The following PDCD6 variants were observed in gnomAD, a reference collection of about 807,000 sequenced individuals.
The protein encoded by PDCD6 is programmed cell death protein 6.
Under a neutral mutation model 28.3 loss-of-function variants are expected in PDCD6, and 12 were observed. The ratio of observed to expected loss-of-function variants is 0.42; its 90% CI spans 0.27 to 0.69. PDCD6 has a LOEUF of 0.69. Among genes scored for constraint, PDCD6 ranks in the 30% least tolerant of loss-of-function variants. The pLI, the probability that PDCD6 is intolerant of heterozygous loss-of-function variation, is 0.22. For missense variants in PDCD6, 226 were observed against 269.9 expected (o/e 0.84, Z 1.14); for synonymous variants, 92 against 108.0 (o/e 0.85, Z 0.92).
chr5:276,825 T>C, intron 2 of PDCD6: 1 of 985,434 alleles, frequency 1.0e-6, no homozygotes, highest in Non-Finnish European at 1.2e-6. Context: ...TTCATGAGAC[T>C]TGTTTGCACA....
chr5:290,976 G>A (rs1393519874), intron 2 of PDCD6, among the ~76,000 whole-genome samples: 1 of 152,196 alleles, frequency 6.6e-6, no homozygotes, highest in Non-Finnish European at 1.5e-5. Context: ...TGTACAGGAT[G>A]GGTAAGGTAT....
At chr5:292,515 T>C (rs887902182) in intron 2 of PDCD6, among the ~76,000 whole-genome samples, 2 of 152,194 alleles carry the variant, frequency 1.3e-5, no homozygotes, top group African/African-American at 4.8e-5. Context: ...CACCTCAGCC[T>C]CCCAAAGTGC....
At chr5:277,051 A>G in intron 2 of PDCD6, 2 of 468,782 alleles carry the variant, frequency 4.3e-6, no homozygotes, top group Non-Finnish European at 5.6e-6. Flanking sequence ...CCTTAATATA[A>G]CACTGATGTA....
In PDCD6 at chr5:314,871, G is replaced by T. The variant is rs1741169313; in HGVS notation, c.*356G>T. ...CCAATAGGAATTTTAAAATAACATGGAACTTACACAAAAGGCTTTTCATGT... is the reference window on the plus strand; with the variant it reads ...CCAATAGGAATTTTAAAATAACATGTAACTTACACAAAAGGCTTTTCATGT... On this transcript the variant is annotated 3_prime_UTR_variant, in exon 6 of 6. Transcript: ENST00000264933. The T allele has an allele frequency of 2.8e-6, 1 of 361,316 alleles. No individual in the cohort carries two copies. The highest frequency in any genetic ancestry group is 2.1e-5 in the African/African-American group (1 of 47,488). The allele number at this position is 361,316 out of a possible 1,614,324, so 22.4% of individuals were successfully genotyped here.
chr5:296,468 G>C, intron 2 of PDCD6, among the ~76,000 whole-genome samples: 1 of 152,208 alleles, frequency 6.6e-6, no homozygotes, highest in East Asian at 1.9e-4. Context: ...CCAAATGCTC[G>C]TTCACTGCAG....
At chr5:287,698 T>C (rs1045683655) in intron 2 of PDCD6, among the ~76,000 whole-genome samples, 1 of 152,194 alleles carries the variant, frequency 6.6e-6, no homozygotes, top group African/African-American at 2.4e-5. Flanking sequence ...TTCAAAAATA[T>C]TTAATTCACT....
At position 271,692 on chromosome 5, in the gene PDCD6, C is replaced by G. The variant is rs201245613; in HGVS notation, c.-29C>G. 1 of 1,352,606 alleles carries G rather than the reference C, an allele frequency of 7.4e-7. No homozygotes were observed. Among genetic ancestry groups the G allele is most frequent in the Admixed American group, 2.0e-5 (1 of 51,084 alleles). The allele number at this position is 1,352,606 out of a possible 1,614,324, so 83.8% of individuals were successfully genotyped here. A position where few individuals can be genotyped will look rare whatever the true frequency, so the allele number is the denominator to read the frequency against. On this transcript the variant is annotated 5_prime_UTR_variant, in exon 1 of 6. Transcript: ENST00000264933. ...CTGAGAGGTCTCTCGTCGCTGCAGG[C>G]GCCTCAGCCCAGCCGCGTGCCTTGG... is the stretch of plus-strand genomic sequence containing the variant.
At chr5:290,015 G>C (rs1350138950) in intron 2 of PDCD6, 1 of 1,600,028 alleles carries the variant, frequency 6.2e-7, no homozygotes, top group South Asian at 1.1e-5. Context: ...AATTCACATA[G>C]TCGCTGAATA....
chr5:289,170 A>G, intron 2 of PDCD6: 1 of 966,126 alleles, frequency 1.0e-6, no homozygotes, highest in East Asian at 2.5e-5. Context: ...AAATAAGCAA[A>G]TGTTGTTGTA....
chr5:307,279 CCG>C lies in PDCD6; in HGVS notation c.367+520_367+521del, dbSNP rs1740578122. On this transcript the variant is annotated intron_variant, in intron 4 of 5. Transcript: ENST00000264933. The surrounding 1 kb of genome is among the most constrained non-coding windows in gnomAD (Gnocchi z 6.1). ...CTCGGCGTGTGTGTGCACACGTGTG[CCG>C]TGCGCCTCAGAAGGGGCGTTAGGCA... Among the ~76,000 whole-genome samples the C allele has an allele frequency of 1.8e-5, 2 of 110,944 alleles. No individual in the cohort carries two copies. Among genetic ancestry groups the C allele is most frequent in the Admixed American group, 1.7e-4 (2 of 12,080 alleles). 72.8% of individuals were successfully genotyped at this position (110,944 alleles called of 152,430 possible). A position where few individuals can be genotyped will look rare whatever the true frequency, so the allele number is the denominator to read the frequency against.
At chr5:301,424 A>C (rs1329220810) in intron 2 of PDCD6, among the ~76,000 whole-genome samples, 2 of 152,220 alleles carry the variant, frequency 1.3e-5, no homozygotes, top group Non-Finnish European at 2.9e-5. Flanking sequence ...GGTTTTCTGT[A>C]GCCTATCTTT....
chr5:306,821 G>T (rs1478428047), intron 4 of PDCD6, 61 bp downstream of exon 4: 1 of 1,542,200 alleles, frequency 6.5e-7, no homozygotes, highest in Non-Finnish European at 9.0e-7. Flanking sequence ...AGCCGTTGAA[G>T]TTCTTTAAAC....
intron 2 of PDCD6, among the ~76,000 whole-genome samples, chr5:300,938 G>A (rs1190030997): frequency 3.9e-5 from 6 of 152,248 alleles, no homozygotes; most frequent in South Asian, 2.1e-4. Flanking sequence ...GCACCATCAC[G>A]GCACACTCCA....
rs1031673513 is a variant in PDCD6, at chr5:276,719, C to T, written c.163+3947C>T. ...TAGAAAAACTGAAGCTACAAAATGG[C>T]CTGGTTTCTCACTTCAGTTAAATTT... On this transcript the variant is annotated intron_variant, in intron 2 of 5. Coordinates refer to ENST00000264933, the MANE Select transcript of PDCD6 (RefSeq NM_013232.4). 3 of 984,190 alleles carry T rather than the reference C, an allele frequency of 3.0e-6. No individual in the cohort carries two copies. The African/African-American group carries it at 5.2e-5, about 17-fold the overall frequency. 61.0% of individuals were successfully genotyped at this position (984,190 alleles called of 1,614,324 possible). A position where few individuals can be genotyped will look rare whatever the true frequency, so the allele number is the denominator to read the frequency against.
chr5:291,344 G>T (rs1392111362), intron 2 of PDCD6, among the ~76,000 whole-genome samples: 8 of 152,132 alleles, frequency 5.3e-5, no homozygotes, highest in African/African-American at 1.9e-4. Flanking sequence ...CTGAGCATCT[G>T]CTCTGTCTAT....
intron 2 of PDCD6, among the ~76,000 whole-genome samples, chr5:298,297 A>G (rs558909319): frequency 2.0e-5 from 3 of 152,166 alleles, no homozygotes; most frequent in South Asian, 4.2e-4. Flanking sequence ...TCCAGGTGCC[A>G]TGGACCTGAG....
chr5:290,799 G>C (rs1290227824), intron 2 of PDCD6, among the ~76,000 whole-genome samples: 1 of 152,232 alleles, frequency 6.6e-6, no homozygotes, highest in Non-Finnish European at 1.5e-5. Flanking sequence ...TCTGATCTCT[G>C]ACCGTGTCTT....
rs73032001 is a variant in PDCD6 at position 299,864 on chromosome 5, A to T, written c.164-4313A>T. On this transcript the variant is annotated intron_variant, in intron 2 of 5. Coordinates refer to ENST00000264933, the MANE Select transcript of PDCD6 (RefSeq NM_013232.4). The stretch of plus-strand genomic sequence containing the variant: ...GCGCCCAGCTGGTATTTTTTTTTTT[A>T]TTTTTTTATCAAATACAGTTGAGGC... Among the ~76,000 whole-genome samples the T allele has an allele frequency of 5.5e-3, 796 of 144,626 alleles. 5 individuals are homozygous for T. The highest frequency in any genetic ancestry group is 7.6e-3 in the Non-Finnish European group (491 of 64,192). 94.9% of individuals were successfully genotyped at this position (144,626 alleles called of 152,430 possible).
At chr5:311,057 C>T (rs925841243) in intron 4 of PDCD6, 35 of 466,058 alleles carry the variant, frequency 7.5e-5, no homozygotes, top group Admixed American at 4.3e-4. Context: ...CTCCTCCTTC[C>T]GGGGTCATGG....
Sources: gnomAD v4.1 joint callset for allele counts (sites outside exome capture counted in the v4.1 genomes callset) on GRCh38, gnomAD v4.1.1 for gene constraint, Gnocchi (gnomAD v3.1) non-coding constraint, MANE v1.5 for transcripts, NCBI Gene and HGNC (gene_info 2026-07-23, HGNC 2026-07-21) for gene names.